The following MKLN1 variants were observed in gnomAD, a reference collection of about 807,000 sequenced individuals.
The protein encoded by MKLN1 is muskelin.
A neutral mutation model predicts 99.0 loss-of-function variants in MKLN1; 18 were observed. The ratio of observed to expected loss-of-function variants is 0.18; its 90% CI spans 0.13 to 0.27. The LOEUF (loss-of-function observed/expected upper bound fraction) is 0.27. Among genes scored for constraint, MKLN1 ranks in the 10% least tolerant of loss-of-function variants. MKLN1 has a pLI of 1.00. For synonymous variants in MKLN1, 288 were observed against 293.2 expected, an observed-to-expected ratio of 0.98 and a Z score of 0.18; for missense variants, 621 against 875.9, an observed-to-expected ratio of 0.71 and a Z score of 3.67.
chr7:131,207,870 T>C (rs13231635), intron 3 of MKLN1, among the ~76,000 whole-genome samples: 27,046 of 152,198 alleles, frequency 0.18, 2,892 homozygotes, highest in African/African-American at 0.3. Context: ...GTAGAGATGG[T>C]TTTAGCCTTT....
At chr7:131,153,579 A>AT (rs1439792400) in intron 2 of MKLN1, among the ~76,000 whole-genome samples, 1 of 151,952 alleles carries the variant, frequency 6.6e-6, no homozygotes, top group Non-Finnish European at 1.5e-5. Context: ...CCCAATGTCT[A>AT]TTAATGGAGG....
chr7:131,248,081 ATT>A (rs1222355464), intron 3 of MKLN1, among the ~76,000 whole-genome samples: 4 of 137,894 alleles, frequency 2.9e-5, no homozygotes, highest in African/African-American at 1.1e-4. Flanking sequence ...TTTATTATTT[ATT>A]TATTTATTTA....
At chr7:131,479,489 C>T (rs1280161369) in intron 17 of MKLN1, among the ~76,000 whole-genome samples, 2 of 152,120 alleles carry the variant, frequency 1.3e-5, no homozygotes, top group Non-Finnish European at 1.5e-5. Flanking sequence ...AAGATCATGC[C>T]ACTGCACTCC....
At chr7:131,128,187 G>A (rs1162142009) in intron 1 of MKLN1, among the ~76,000 whole-genome samples, 2 of 140,816 alleles carry the variant, frequency 1.4e-5, no homozygotes, top group African/African-American at 2.6e-5. Flanking sequence ...AGAAGGGACC[G>A]AAGTATCGCC....
intron 13 of MKLN1, 105 bp downstream of exon 13, chr7:131,463,469 T>C (rs1036408717): frequency 1.7e-5 from 20 of 1,200,850 alleles, no homozygotes; most frequent in Non-Finnish European, 2.4e-5. Context: ...ATTTGTGACA[T>C]TGTATATTTA....
chr7:131,213,871 CT>C (rs1443693579), intron 3 of MKLN1, among the ~76,000 whole-genome samples: 1 of 152,046 alleles, frequency 6.6e-6, no homozygotes, highest in Non-Finnish European at 1.5e-5. Context: ...GGTTTTATGC[CT>C]AGCAAAATAT....
intron 8 of MKLN1, among the ~76,000 whole-genome samples, chr7:131,418,799 G>A (rs1795101513): frequency 6.6e-6 from 1 of 152,186 alleles, no homozygotes. Context: ...TTCAAACTGA[G>A]GTAGGACAGT....
intron 3 of MKLN1, among the ~76,000 whole-genome samples, chr7:131,259,221 C>A (rs566883824): frequency 2.6e-5 from 4 of 152,128 alleles, no homozygotes; most frequent in Non-Finnish European, 4.4e-5. Context: ...TTCCAGAGTG[C>A]ATCACCTCTG....
chr7:131,204,588 T>C (rs899401364), intron 3 of MKLN1, among the ~76,000 whole-genome samples: 1 of 152,050 alleles, frequency 6.6e-6, no homozygotes, highest in African/African-American at 2.4e-5. Context: ...TCCCAGCACA[T>C]TGGGAGGCTG....
intron 9 of MKLN1, among the ~76,000 whole-genome samples, chr7:131,433,803 C>T (rs1027224961): frequency 6.6e-6 from 1 of 151,710 alleles, no homozygotes; most frequent in African/African-American, 2.4e-5. Context: ...ATTTCTAGAA[C>T]TGTTGGGATT....
At chr7:131,155,286 CGAA>C (rs1795947220) in intron 2 of MKLN1, among the ~76,000 whole-genome samples, 1 of 152,070 alleles carries the variant, frequency 6.6e-6, no homozygotes, top group South Asian at 2.1e-4. Context: ...GCATTTGAAA[CGAA>C]GGAGGAAATA....
intron 1 of MKLN1, among the ~76,000 whole-genome samples, chr7:131,328,915 G>T (rs1798980305): frequency 6.6e-6 from 1 of 152,280 alleles, no homozygotes; most frequent in South Asian, 2.1e-4. Context: ...ATCTTTGAAA[G>T]GAGGAGCAGA....
intron 2 of MKLN1, among the ~76,000 whole-genome samples, 162 bp downstream of exon 2, chr7:131,375,655 A>T (rs1463770073): frequency 6.6e-6 from 1 of 152,086 alleles, no homozygotes; most frequent in African/African-American, 2.4e-5. Context: ...AAATTTTGGA[A>T]GAATTTTTAT....
At chr7:131,356,599 C>T (rs188379793) in intron 1 of MKLN1, among the ~76,000 whole-genome samples, 3 of 152,100 alleles carry the variant, frequency 2.0e-5, no homozygotes, top group African/African-American at 4.8e-5. Flanking sequence ...TTGTTGAAAG[C>T]GATATCCGGC....
chr7:131,348,596 A>G (rs1055245573), intron 1 of MKLN1, among the ~76,000 whole-genome samples: 1 of 151,944 alleles, frequency 6.6e-6, no homozygotes, highest in South Asian at 2.1e-4. Context: ...CCTCTGGAGT[A>G]TCTCTGAGGA....
intron 3 of MKLN1, among the ~76,000 whole-genome samples, chr7:131,275,357 T>G (rs1797944098): frequency 1.4e-5 from 2 of 145,586 alleles, no homozygotes; most frequent in Non-Finnish European, 3.0e-5. Context: ...TTGTTGTCGT[T>G]GTTGTTGGTT....
chr7:131,348,531 T>G (rs1799627691), intron 1 of MKLN1, among the ~76,000 whole-genome samples: 2 of 128,614 alleles, frequency 1.6e-5, no homozygotes, highest in Middle Eastern at 4.1e-3. Flanking sequence ...AGTCGTTGGG[T>G]TTTTTTTTTT....
rs754530545 is a variant in MKLN1, at chr7:131,375,413, C to G, written c.99-11C>G. The G allele has an allele frequency of 2.5e-6, 4 of 1,590,844 alleles. No homozygotes were observed. The highest frequency in any genetic ancestry group is 1.7e-5 in the Admixed American group (1 of 59,868). On this transcript the variant is annotated splice_polypyrimidine_tract_variant and intron_variant, in intron 1 of 17. Coordinates refer to ENST00000352689, the MANE Select transcript of MKLN1 (RefSeq NM_013255.5). ...TGTTCTCTTAATTTTTTAATACTTT[C>G]TTTATTCCAGGAACATTTTAGTGGA...
intron 3 of MKLN1, among the ~76,000 whole-genome samples, chr7:131,260,210 T>A (rs2116534397): frequency 6.6e-6 from 1 of 151,970 alleles, no homozygotes; most frequent in Non-Finnish European, 1.5e-5. Context: ...GCCTGGCTAA[T>A]TTTTTTTGTA....
Sources: gnomAD v4.1 joint callset for allele counts (sites outside exome capture counted in the v4.1 genomes callset) on GRCh38, gnomAD v4.1.1 for gene constraint, MANE v1.5 for transcripts, NCBI Gene and HGNC (gene_info 2026-07-23, HGNC 2026-07-21) for gene names.